ARHGAP22: variants seen among roughly 807,000 people sequenced by gnomAD.
The protein encoded by ARHGAP22 is Rho GTPase activating protein 22.
ARHGAP22 carries 48 observed loss-of-function variants against 59.1 expected under a neutral mutation model. The ratio of observed to expected loss-of-function variants is 0.81; its 90% CI spans 0.64 to 1.03. ARHGAP22 has a LOEUF of 1.03. Ranked by LOEUF, ARHGAP22 falls within the 50% of genes least tolerant of loss-of-function variation. The pLI is 0.00. For missense variants in ARHGAP22, 1,015 were observed against 958.7 expected, an observed-to-expected ratio of 1.06 and a Z score of -0.78; for synonymous variants, 445 against 416.4, an observed-to-expected ratio of 1.07 and a Z score of -0.84.
intron 3 of ARHGAP22, among the ~76,000 whole-genome samples, chr10:48,491,939 G>A (rs1160648072): frequency 2.0e-5 from 3 of 152,214 alleles, no homozygotes; most frequent in Non-Finnish European, 4.4e-5. Context: ...GCTTGTTCAA[G>A]GGCACCAGCC....
chr10:48,542,129 G>C (rs2056015813), intron 3 of ARHGAP22, among the ~76,000 whole-genome samples: 1 of 152,166 alleles, frequency 6.6e-6, no homozygotes, highest in Non-Finnish European at 1.5e-5. Flanking sequence ...ACCATGATAA[G>C]ATGTGCACCA....
At chr10:48,486,594 C>A (rs986179510) in intron 3 of ARHGAP22, among the ~76,000 whole-genome samples, 1 of 152,102 alleles carries the variant, frequency 6.6e-6, no homozygotes, top group African/African-American at 2.4e-5. Context: ...CCCGTTTTGA[C>A]CTCCCATGTT....
intron 3 of ARHGAP22, among the ~76,000 whole-genome samples, chr10:48,513,259 G>A (rs554602620): frequency 6.6e-6 from 1 of 152,228 alleles, no homozygotes; most frequent in African/African-American, 2.4e-5. Context: ...TCTGGGGAAG[G>A]AGATATCCAC....
intron 4 of ARHGAP22, among the ~76,000 whole-genome samples, chr10:48,476,575 A>C (rs1175248784): frequency 6.6e-6 from 1 of 152,236 alleles, no homozygotes; most frequent in Non-Finnish European, 1.5e-5. Context: ...CACGTCTGGC[A>C]TCGCTAACTC....
intron 5 of ARHGAP22, 117 bp from the exon 6 acceptor site, chr10:48,455,251 A>G: frequency 2.4e-6 from 3 of 1,250,166 alleles, no homozygotes; most frequent in Non-Finnish European, 3.2e-6. Flanking sequence ...TCTTGGGCGC[A>G]CTGGGGGCTG....
chr10:48,567,734 T>C (rs2058138359), intron 2 of ARHGAP22, among the ~76,000 whole-genome samples: 1 of 152,046 alleles, frequency 6.6e-6, no homozygotes, highest in Non-Finnish European at 1.5e-5. Flanking sequence ...TGACCTCCAG[T>C]CTTCTCTCCT....
At chr10:48,464,292 C>T (rs1355487627) in intron 4 of ARHGAP22, among the ~76,000 whole-genome samples, 1 of 152,206 alleles carries the variant, frequency 6.6e-6, no homozygotes, top group Non-Finnish European at 1.5e-5. Flanking sequence ...TGGGCCAGCC[C>T]ACCATTTGTA....
chr10:48,446,748 G>C, intron 9 of ARHGAP22, 129 bp from the exon 10 acceptor site: 1 of 876,298 alleles, frequency 1.1e-6, no homozygotes. Flanking sequence ...AGGAAACCCT[G>C]GCTCATCTGC....
intron 3 of ARHGAP22, among the ~76,000 whole-genome samples, chr10:48,540,217 C>G (rs1411183223): frequency 6.6e-6 from 1 of 152,242 alleles, no homozygotes; most frequent in African/African-American, 2.4e-5. Context: ...CACACAGACT[C>G]TAACCCCATA....
chr10:48,444,937 G>C (rs528295476), downstream of ARHGAP22: 1 of 152,306 alleles, frequency 6.6e-6, no homozygotes, highest in South Asian at 2.1e-4. Context: ...GTCAGTGGCC[G>C]AGCAAAGACA....
At chr10:48,433,494 C>A in the ARHGAP22 span, among the ~76,000 whole-genome samples, 1 of 152,122 alleles carries the variant, frequency 6.6e-6, no homozygotes, top group Non-Finnish European at 1.5e-5. Context: ...TTCACTCTGA[C>A]TGGGAAGCTA....
intron 2 of ARHGAP22, among the ~76,000 whole-genome samples, chr10:48,557,042 C>T (rs955354431): frequency 8.5e-5 from 13 of 152,224 alleles, no homozygotes; most frequent in Admixed American, 7.2e-4. Context: ...GGCAGAACAT[C>T]GTCCTTACCC....
At chr10:48,445,303 G>A (rs190762345), downstream of ARHGAP22, 24 of 152,466 alleles carry the variant, frequency 1.6e-4, no homozygotes, top group African/African-American at 5.5e-4. Context: ...AACCCCTGCA[G>A]GTTACTGCTC....
intron 3 of ARHGAP22, among the ~76,000 whole-genome samples, chr10:48,484,663 A>G (rs1210000179): frequency 1.3e-5 from 2 of 152,206 alleles, no homozygotes; most frequent in African/African-American, 2.4e-5. Flanking sequence ...TAATATATAC[A>G]TCTATTTCTT....
chr10:48,450,548 GC>G lies in ARHGAP22; in HGVS notation c.1580del (p.Ser527ThrfsTer95). The stretch of plus-strand genomic sequence containing the variant: ...CGCTGGCGCGGCAGGCCGTGCAGCT[GC>G]TGAGTGAGCCCCCCACCGACGACTC... ...SSESSVGGSL[S>X]SCTACRASDS... On this transcript the variant is annotated frameshift_variant, in exon 9 of 10. Coordinates refer to ENST00000249601, the MANE Select transcript of ARHGAP22 (RefSeq NM_021226.4). LOFTEE classifies it high-confidence loss of function. 6.6e-7 allele frequency: 1 copy of G among 1,522,674 alleles called. No homozygotes were observed. The highest frequency in any genetic ancestry group is 2.5e-5 in the East Asian group (1 of 40,778). The allele number at this position is 1,522,674 out of a possible 1,614,324, so 94.3% of individuals were successfully genotyped here.
At chr10:48,467,289 ATTC>A (rs1184694157) in intron 4 of ARHGAP22, among the ~76,000 whole-genome samples, 3 of 152,110 alleles carry the variant, frequency 2.0e-5, no homozygotes, top group Non-Finnish European at 4.4e-5. Flanking sequence ...CAAAGCCTGT[ATTC>A]TTCTTGGGTT....
intron 1 of ARHGAP22, among the ~76,000 whole-genome samples, chr10:48,600,987 C>G (rs2060347197): frequency 6.6e-6 from 1 of 152,294 alleles, no homozygotes; most frequent in African/African-American, 2.4e-5. Flanking sequence ...TCTAATACGC[C>G]CCTTCTTCAG....
intron 2 of ARHGAP22, among the ~76,000 whole-genome samples, chr10:48,579,522 T>G (rs1323795923): frequency 6.6e-6 from 1 of 152,234 alleles, no homozygotes; most frequent in Non-Finnish European, 1.5e-5. Flanking sequence ...TCTTTCCATT[T>G]GAGCTTGTGC....
At chr10:48,558,981 C>T (rs1475764652) in intron 2 of ARHGAP22, among the ~76,000 whole-genome samples, 1 of 152,216 alleles carries the variant, frequency 6.6e-6, no homozygotes, top group East Asian at 1.9e-4. Context: ...GGCCCCATGG[C>T]CTTTGAGAGC....
Sources: allele counts gnomAD v4.1 joint callset (sites outside exome capture counted in the v4.1 genomes callset), GRCh38; gene constraint gnomAD v4.1.1; transcripts MANE v1.5; gene names NCBI Gene and HGNC (gene_info 2026-07-23, HGNC 2026-07-21).